MFSD11: variants seen among roughly 807,000 people sequenced by gnomAD.
MFSD11 encodes the protein UNC93-like protein MFSD11.
Under a neutral mutation model 53.5 loss-of-function variants are expected in MFSD11, and 36 were observed. The ratio of observed to expected loss-of-function variants is 0.67; its 90% CI spans 0.52 to 0.89. MFSD11 has a LOEUF of 0.89. Ranked by LOEUF, MFSD11 falls within the 40% of genes least tolerant of loss-of-function variation. The probability of loss-of-function intolerance (pLI) is 0.00; values close to 1 mark genes in which losing one functional copy is unlikely to be tolerated. For synonymous variants in MFSD11, 186 were observed against 184.9 expected, an observed-to-expected ratio of 1.01 and a Z score of -0.05; for missense variants, 530 against 543.9, an observed-to-expected ratio of 0.97 and a Z score of 0.25.
chr17:76,754,070 A>T lies in MFSD11; in HGVS notation c.665A>T (p.Lys222Met). Residue 222 changes from lysine to methionine, a missense_variant, in exon 8 of 13, where the codon AAG (lysine) becomes ATG (methionine). Transcript: ENST00000685175. ...AGGTCTGCCCAGAACAATCTGACAA[A>T]GGCAGTAGATGCTTTTAGTAAGTAT... Reference protein sequence around the residue: ...VNESAQNNLTKAVDAFKKSFK... With the variant: ...VNESAQNNLTMAVDAFKKSFK... 6.2e-7 allele frequency: 1 copy of T among 1,613,290 alleles called. No individual in the cohort carries two copies. Among genetic ancestry groups the T allele is most frequent in the Non-Finnish European group, 8.5e-7 (1 of 1,179,408 alleles).
At chr17:76,751,771 ATC>A (rs2079074094) in intron 7 of MFSD11, among the ~76,000 whole-genome samples, 1 of 152,138 alleles carries the variant, frequency 6.6e-6, no homozygotes, top group Non-Finnish European at 1.5e-5. Flanking sequence ...CTTTCTTATA[ATC>A]TTATTAACAA....
downstream of MFSD11, among the ~76,000 whole-genome samples, chr17:76,779,546 G>T (rs867950983): frequency 5.3e-5 from 8 of 152,078 alleles, no homozygotes; most frequent in Middle Eastern, 3.4e-3. Context: ...GTGCAGTGGC[G>T]TGATCTCAGC....
intron 8 of MFSD11, among the ~76,000 whole-genome samples, chr17:76,763,956 G>C (rs1469628355): frequency 6.6e-6 from 1 of 151,658 alleles, no homozygotes; most frequent in Non-Finnish European, 1.5e-5. Context: ...TCCTCCTCCT[G>C]GGTTCAGGCA....
intron 12 of MFSD11, among the ~76,000 whole-genome samples, chr17:76,777,010 G>T (rs1244883471): frequency 1.3e-5 from 2 of 151,644 alleles, no homozygotes; most frequent in African/African-American, 2.4e-5. Flanking sequence ...GCTCACACTT[G>T]TAATCCCAGC....
chr17:76,776,695 C>T lies in MFSD11; in HGVS notation c.1185+154C>T, dbSNP rs898797543. Reference sequence around the variant, plus strand: ...TCTCTCTGTCACTCAGGCTGGAGTGCAGTAGCGCAATCTTGACTCGCTGCA... The same window carrying T: ...TCTCTCTGTCACTCAGGCTGGAGTGTAGTAGCGCAATCTTGACTCGCTGCA... On this transcript the variant is annotated intron_variant, in intron 12 of 12. Coordinates refer to ENST00000685175, the MANE Select transcript of MFSD11 (RefSeq NM_001242532.5). The surrounding 1 kb of genome is among the most constrained non-coding windows in gnomAD (Gnocchi z 4.2). Among the ~76,000 whole-genome samples, 1 of 152,066 alleles carries T rather than the reference C, an allele frequency of 6.6e-6. No individual in the cohort carries two copies. The highest frequency in any genetic ancestry group is 1.5e-5 in the Non-Finnish European group (1 of 68,012).
chr17:76,749,580 ATATGGTTC>A (rs2078865725), intron 7 of MFSD11, among the ~76,000 whole-genome samples: 1 of 151,016 alleles, frequency 6.6e-6, no homozygotes, highest in Non-Finnish European at 1.5e-5. Context: ...GCCTATCTCC[ATATGGTTC>A]TTGAAATAAA....
chr17:76,745,202 T>C (rs1315576322), intron 7 of MFSD11, among the ~76,000 whole-genome samples: 1 of 152,232 alleles, frequency 6.6e-6, no homozygotes, highest in Non-Finnish European at 1.5e-5. Context: ...GCATTTTATA[T>C]ATTGTTAAAA....
At chr17:76,762,355 A>G (rs1308365116) in intron 8 of MFSD11, among the ~76,000 whole-genome samples, 2 of 152,192 alleles carry the variant, frequency 1.3e-5, no homozygotes, top group African/African-American at 4.8e-5. Context: ...TGACCCAACA[A>G]TGGATGAATA....
At chr17:76,760,163 G>C (rs1336300668) in intron 8 of MFSD11, among the ~76,000 whole-genome samples, 2 of 151,476 alleles carry the variant, frequency 1.3e-5, no homozygotes, top group East Asian at 2.0e-4. Flanking sequence ...AGCTCCTCGG[G>C]AGGCTGAGGC....
chr17:76,760,613 C>A (rs1331050136), intron 8 of MFSD11, among the ~76,000 whole-genome samples: 1 of 151,992 alleles, frequency 6.6e-6, no homozygotes, highest in Admixed American at 6.6e-5. Flanking sequence ...TCACTGCAAC[C>A]TCCACCTCTT....
At position 76,776,955 on chromosome 17, in the gene MFSD11, T is replaced by C. The variant is rs1223891689; in HGVS notation, c.1185+414T>C. 6.6e-6 allele frequency among the ~76,000 whole-genome samples: 1 copy of C among 151,842 alleles called. No individual in the cohort carries two copies. Among genetic ancestry groups the C allele is most frequent in the Non-Finnish European group, 1.5e-5 (1 of 67,956 alleles). On this transcript the variant is annotated intron_variant, in intron 12 of 12. Coordinates refer to ENST00000685175, the MANE Select transcript of MFSD11 (RefSeq NM_001242532.5). This position sits in a 1 kb window ranked among gnomAD's most constrained non-coding sequence, Gnocchi z 4.2. ...TGCGTGAGCCACCGCACCTGGTCTA[T>C]TTTTTTATTTTATTTTTTTTTAAAG...
intron 8 of MFSD11, among the ~76,000 whole-genome samples, chr17:76,766,811 T>G (rs1446384038): frequency 6.6e-6 from 1 of 152,232 alleles, no homozygotes; most frequent in Non-Finnish European, 1.5e-5. Flanking sequence ...TTTTTAGAAA[T>G]GCATTATCCA....
At chr17:76,770,035 T>C (rs1033268608) in intron 10 of MFSD11, among the ~76,000 whole-genome samples, 164 bp downstream of exon 10, 61 of 147,508 alleles carry the variant, frequency 4.1e-4, no homozygotes, top group Non-Finnish European at 7.6e-4. Flanking sequence ...CTTTTTCTTT[T>C]TTTTTTTTTT....
At position 76,738,348 on chromosome 17, in the gene MFSD11, C is replaced by A; in HGVS notation, c.-5C>A. The A allele has an allele frequency of 1.9e-6, 3 of 1,612,436 alleles. No individual in the cohort carries two copies. Among genetic ancestry groups the A allele is most frequent in the Non-Finnish European group, 2.5e-6 (3 of 1,178,508 alleles). On this transcript the variant is annotated 5_prime_UTR_variant, in exon 1 of 13. Coordinates refer to ENST00000685175, the MANE Select transcript of MFSD11 (RefSeq NM_001242532.5). Reference sequence around the variant, plus strand: ...GGCTGCTGCCTCCGGCAGAGCTGAGCCAAAATGTCCCCGGAATCTAAAAAG... The same window carrying A: ...GGCTGCTGCCTCCGGCAGAGCTGAGACAAAATGTCCCCGGAATCTAAAAAG...
chr17:76,745,992 C>T (rs1413631009), intron 7 of MFSD11, among the ~76,000 whole-genome samples: 2 of 152,132 alleles, frequency 1.3e-5, no homozygotes, highest in Admixed American at 1.3e-4. Context: ...AATGACTAAG[C>T]TTAGCAAGGA....
chr17:76,755,791 CATATATATATATAT>C (rs71158064), intron 8 of MFSD11, among the ~76,000 whole-genome samples: 2 of 16,094 alleles, frequency 1.2e-4, no homozygotes, highest in African/African-American at 2.4e-4. Flanking sequence ...TGTGTGTATA[CATATATATATATAT>C]ATATATATTT....
At chr17:76,778,101 G>A (rs553058284) in intron 12 of MFSD11, 87 bp from the exon 13 acceptor site, 1 of 1,351,280 alleles carries the variant, frequency 7.4e-7, no homozygotes, top group South Asian at 1.2e-5. Context: ...GGTGTCCTTG[G>A]GGCAGGATAG....
chr17:76,737,551 G>T, upstream of MFSD11: 1 of 261,068 alleles, frequency 3.8e-6, no homozygotes, highest in Non-Finnish European at 7.3e-6. Flanking sequence ...TTAGCGGGCA[G>T]TTGGAAAGCC....
Position 76,744,483 on chromosome 17 carries a change from A to C in MFSD11, c.641+17A>C. On this transcript the variant is annotated intron_variant, in intron 7 of 12. Coordinates refer to ENST00000685175, the MANE Select transcript of MFSD11 (RefSeq NM_001242532.5). ...AGTCAACGAGTAAGATGTTGGAAAC[A>C]TTCTATTTTATTTTAAAATAGATTT... 6.2e-7 allele frequency: 1 copy of C among 1,600,590 alleles called. No individual in the cohort carries two copies. Among genetic ancestry groups the C allele is most frequent in the Non-Finnish European group, 8.5e-7 (1 of 1,175,186 alleles).
Sources: gnomAD v4.1 joint callset for allele counts (sites outside exome capture counted in the v4.1 genomes callset) on GRCh38, gnomAD v4.1.1 for gene constraint, Gnocchi (gnomAD v3.1) non-coding constraint, MANE v1.5 for transcripts, NCBI Gene and HGNC (gene_info 2026-07-23, HGNC 2026-07-21) for gene names.